EXOC4: variants seen among roughly 807,000 people sequenced by gnomAD.
The protein encoded by EXOC4 is SEC8-like 1.
A neutral mutation model predicts 107.2 loss-of-function variants in EXOC4; 71 were observed. That is an observed-to-expected ratio of 0.66 (90% confidence interval 0.55 to 0.81). The LOEUF is 0.81. Among genes scored for constraint, EXOC4 ranks in the 30% least tolerant of loss-of-function variants. The pLI, the probability that EXOC4 is intolerant of heterozygous loss-of-function variation, is 0.00. For missense variants in EXOC4, 1,108 were observed against 1,189.6 expected, an observed-to-expected ratio of 0.93 and a Z score of 1.01; for synonymous variants, 456 against 441.2, an observed-to-expected ratio of 1.03 and a Z score of -0.42.
intron 10 of EXOC4, among the ~76,000 whole-genome samples, chr7:133,677,458 T>TA (rs906674396): frequency 2.0e-5 from 3 of 152,054 alleles, no homozygotes; most frequent in East Asian, 3.9e-4. Context: ...TGTGTACACT[T>TA]AAAAAAAAGA....
At chr7:133,942,573 A>G (rs1800456496) in intron 14 of EXOC4, among the ~76,000 whole-genome samples, 1 of 152,168 alleles carries the variant, frequency 6.6e-6, no homozygotes, top group Admixed American at 6.5e-5. Flanking sequence ...CATTTTGCAT[A>G]TGAGGAAATT....
rs139731623 is a variant in EXOC4 at position 133,999,070 on chromosome 7, G to A, written c.2348+1437G>A. 1.8e-3 allele frequency among the ~76,000 whole-genome samples: 273 copies of A among 152,232 alleles called. 1 individual carries two copies. The highest frequency in any genetic ancestry group is 6.3e-3 in the African/African-American group (260 of 41,554). On this transcript the variant is annotated intron_variant, in intron 15 of 17. Transcript: ENST00000253861. Reference sequence around the variant, plus strand: ...GAAATCAAGTATGCCATTGAGAGATGTTCAGTTTGGGATGCTTATTAAACA... The same window carrying A: ...GAAATCAAGTATGCCATTGAGAGATATTCAGTTTGGGATGCTTATTAAACA...
At chr7:133,577,644 G>T (rs1399080307) in intron 9 of EXOC4, among the ~76,000 whole-genome samples, 1 of 152,146 alleles carries the variant, frequency 6.6e-6, no homozygotes, top group Non-Finnish European at 1.5e-5. Context: ...CAGTCTGGAT[G>T]AGTTGGCTGT....
chr7:133,580,669 T>C (rs1801245050), intron 9 of EXOC4, among the ~76,000 whole-genome samples: 1 of 152,168 alleles, frequency 6.6e-6, no homozygotes, highest in South Asian at 2.1e-4. Context: ...CAAGATGAGG[T>C]TTCAAATTCC....
intron 9 of EXOC4, among the ~76,000 whole-genome samples, chr7:133,590,172 G>T (rs561815405): frequency 6.6e-6 from 1 of 152,092 alleles, no homozygotes; most frequent in African/African-American, 2.4e-5. Context: ...CCCCTGGTCC[G>T]TTGTGGGCAT....
intron 7 of EXOC4, among the ~76,000 whole-genome samples, chr7:133,381,670 G>C (rs1009048998): frequency 3.9e-5 from 6 of 152,162 alleles, no homozygotes; most frequent in Non-Finnish European, 5.9e-5. Context: ...TAAGTGGTTT[G>C]TGATTTATCT....
At chr7:134,048,844 T>A (rs575461514) in intron 17 of EXOC4, among the ~76,000 whole-genome samples, 1 of 152,094 alleles carries the variant, frequency 6.6e-6, no homozygotes, top group Non-Finnish European at 1.5e-5. Context: ...GGAAACCTTC[T>A]AGAAGATTGG....
At chr7:133,513,551 C>T (rs1799815171) in intron 9 of EXOC4, among the ~76,000 whole-genome samples, 1 of 152,118 alleles carries the variant, frequency 6.6e-6, no homozygotes, top group Non-Finnish European at 1.5e-5. Flanking sequence ...GTCTGATTGT[C>T]CTTGATTTAA....
At chr7:133,884,585 G>C (rs1399081718) in intron 11 of EXOC4, among the ~76,000 whole-genome samples, 1 of 92,774 alleles carries the variant, frequency 1.1e-5, no homozygotes, top group African/African-American at 4.3e-5. Context: ...TATGCTCTGT[G>C]TGTGTGTGTG....
the EXOC4 span, among the ~76,000 whole-genome samples, chr7:134,073,205 CAAAAAAA>C: frequency 0.033 from 754 of 22,586 alleles, 18 homozygotes; most frequent in Middle Eastern, 0.15. Context: ...GACTTCCTCT[CAAAAAAA>C]AAAAAAAAAA....
At chr7:133,541,421 T>G (rs1800377377) in intron 9 of EXOC4, among the ~76,000 whole-genome samples, 1 of 152,224 alleles carries the variant, frequency 6.6e-6, no homozygotes, top group African/African-American at 2.4e-5. Context: ...TCTCCTTAAA[T>G]AGTTGCCTCA....
At chr7:133,403,909 A>T (rs941198516) in intron 7 of EXOC4, among the ~76,000 whole-genome samples, 1 of 151,808 alleles carries the variant, frequency 6.6e-6, no homozygotes, top group Non-Finnish European at 1.5e-5. Flanking sequence ...TAACAGTTCT[A>T]CCTCTCTCTG....
intron 11 of EXOC4, among the ~76,000 whole-genome samples, chr7:133,866,594 T>C (rs1798645681): frequency 6.6e-6 from 1 of 152,206 alleles, no homozygotes; most frequent in Non-Finnish European, 1.5e-5. Flanking sequence ...CACTTTCTTC[T>C]TCCACTAAAT....
At chr7:133,454,660 A>G (rs148996930) in intron 7 of EXOC4, among the ~76,000 whole-genome samples, 4 of 152,280 alleles carry the variant, frequency 2.6e-5, no homozygotes, top group Non-Finnish European at 5.9e-5. Flanking sequence ...ATGAAACAAA[A>G]TTTCTTCCTT....
intron 9 of EXOC4, among the ~76,000 whole-genome samples, chr7:133,603,262 A>C (rs1585025966): frequency 6.6e-6 from 1 of 152,296 alleles, no homozygotes; most frequent in South Asian, 2.1e-4. Flanking sequence ...GCCATACTCA[A>C]AATAGTTTTG....
At chr7:133,295,709 A>C (rs1794504372) in intron 3 of EXOC4, among the ~76,000 whole-genome samples, 1 of 152,078 alleles carries the variant, frequency 6.6e-6, no homozygotes, top group Non-Finnish European at 1.5e-5. Context: ...GACTGATCTT[A>C]TTTTCTCTTC....
the EXOC4 span, among the ~76,000 whole-genome samples, chr7:134,079,910 C>T: frequency 1.3e-5 from 2 of 152,190 alleles, no homozygotes; most frequent in African/African-American, 4.8e-5. Context: ...CAAAACCTAA[C>T]CCCGGATGCT....
At chr7:133,404,471 C>G (rs1361705443) in intron 7 of EXOC4, among the ~76,000 whole-genome samples, 1 of 152,064 alleles carries the variant, frequency 6.6e-6, no homozygotes, top group East Asian at 1.9e-4. Context: ...TTCCTTGAGT[C>G]TGGCCTTGGA....
chr7:133,589,705 T>A (rs969519978), intron 9 of EXOC4, among the ~76,000 whole-genome samples: 1 of 152,172 alleles, frequency 6.6e-6, no homozygotes, highest in Non-Finnish European at 1.5e-5. Context: ...TTGTCGGCCC[T>A]CTTTAATTAG....
Sources: gnomAD v4.1 joint callset for allele counts (sites outside exome capture counted in the v4.1 genomes callset) on GRCh38, gnomAD v4.1.1 for gene constraint, MANE v1.5 for transcripts, NCBI Gene and HGNC (gene_info 2026-07-23, HGNC 2026-07-21) for gene names.